Variants in SELPLG observed in about 807,000 individuals in gnomAD.
The protein encoded by SELPLG is P-selectin glycoprotein ligand 1.
Under a neutral mutation model 1.1 loss-of-function variants are expected in SELPLG, and 2 were observed. The ratio of observed to expected loss-of-function variants is 1.82; its 90% CI spans 0.74 to 5.71. SELPLG has a LOEUF of 5.71. Ranked by LOEUF, SELPLG falls within the 30% of genes most tolerant of loss-of-function variation. The pLI is 0.05. For missense variants in SELPLG, 478 were observed against 524.7 expected, an observed-to-expected ratio of 0.91 and a Z score of 0.87; for synonymous variants, 230 against 221.2, an observed-to-expected ratio of 1.04 and a Z score of -0.35.
At position 108,623,496 on chromosome 12, in the gene SELPLG, G is replaced by A. The variant is rs1337286148; in HGVS notation, c.812C>T (p.Ala271Val). 4 of 1,614,138 alleles carry A rather than the reference G, an allele frequency of 2.5e-6. No homozygotes were observed. Among genetic ancestry groups the A allele is most frequent in the Non-Finnish European group, 3.4e-6 (4 of 1,180,058 alleles). The change falls in exon 2 of 2, where the codon GCC (alanine) becomes GTC (valine). Residue 271 changes from alanine (A) to valine (V), a missense_variant. Transcript: ENST00000550948. ...TTTGGTAGTAGGTTCCATGGACAGG[G>A]CCTCTGTGGCACTGGGTTCTGTGGA... ...ALSTEPSATE[A>V]LSMEPTTKRG... is the part of the protein sequence containing the mutation.
At chr12:108,633,109 G>A (rs754532621) in intron 1 of SELPLG, among the ~76,000 whole-genome samples, 3 of 152,160 alleles carry the variant, frequency 2.0e-5, no homozygotes, top group Non-Finnish European at 4.4e-5. Context: ...GGAAAGGAGA[G>A]GATAAGATCA....
intron 1 of SELPLG, 87 bp from the exon 2 acceptor site, chr12:108,624,399 A>G (rs2031895655): frequency 2.4e-6 from 3 of 1,251,290 alleles, no homozygotes; most frequent in Non-Finnish European, 3.3e-6. Flanking sequence ...CTCTACTGCC[A>G]CAGCTGGAAG....
At position 108,632,974 on chromosome 12, in the gene SELPLG, G is replaced by A. The variant is rs960673756; in HGVS notation, c.-6+766C>T. On this transcript the variant is annotated intron_variant, in intron 1 of 1. Coordinates refer to ENST00000550948, the MANE Select transcript of SELPLG (RefSeq NM_003006.4). ...TTCTCTGAAAAGAACTTTTTTATGC[G>A]TCCATAACATGCAGCTTCAAGAGAA... is the stretch of plus-strand genomic sequence containing the variant. Among the ~76,000 whole-genome samples the A allele has an allele frequency of 4.6e-5, 7 of 151,970 alleles. No individual in the cohort carries two copies. The South Asian group carries it at 8.3e-4, about 18-fold the overall frequency.
At chr12:108,626,782 T>G (rs567582896) in intron 1 of SELPLG, among the ~76,000 whole-genome samples, 13 of 152,300 alleles carry the variant, frequency 8.5e-5, no homozygotes, top group Admixed American at 8.5e-4. Flanking sequence ...ATTATAGGCA[T>G]GAGCCACCAC....
At chr12:108,632,185 G>A (rs545454326) in intron 1 of SELPLG, 45 of 477,476 alleles carry the variant, frequency 9.4e-5, no homozygotes, top group African/African-American at 7.1e-4. Context: ...CCTGCTGAGG[G>A]AGGCATCAAC....
At position 108,622,833 on chromosome 12, in the gene SELPLG, T is replaced by C; in HGVS notation, c.*236A>G. On this transcript the variant is annotated 3_prime_UTR_variant, in exon 2 of 2. Transcript: ENST00000550948. ...ATGGCCTCCTGCCTTGGACCTCGGC[T>C]GAAATGTGGCTGGGCTTCATCCGCG... The C allele has an allele frequency of 2.1e-6, 1 of 476,918 alleles. No homozygotes were observed. Among genetic ancestry groups the C allele is most frequent in the South Asian group, 4.9e-5 (1 of 20,526 alleles). 29.5% of individuals were successfully genotyped at this position (476,918 alleles called of 1,614,324 possible).
At chr12:108,627,455 G>A (rs1047427413) in intron 1 of SELPLG, among the ~76,000 whole-genome samples, 3 of 152,170 alleles carry the variant, frequency 2.0e-5, no homozygotes, top group African/African-American at 7.2e-5. Context: ...AGGGCATAGG[G>A]TTGAAAGCAT....
chr12:108,633,417 C>T (rs2032096026), intron 1 of SELPLG, among the ~76,000 whole-genome samples: 1 of 152,166 alleles, frequency 6.6e-6, no homozygotes, highest in Non-Finnish European at 1.5e-5. Flanking sequence ...GGGAGGATCA[C>T]TTGTGCCCAG....
rs2032068697 is a variant in SELPLG, at chr12:108,632,113, CCCAGCCTA to C, written c.-6+1619_-6+1626del. ...GCTCCTCTGAATGCCCCACTCTGGGCCCAGCCTAGCAACCCAGCCCTTCCGCTCTCTGA... is the reference window on the plus strand; with the variant it reads ...GCTCCTCTGAATGCCCCACTCTGGGCGCAACCCAGCCCTTCCGCTCTCTGA... On this transcript the variant is annotated intron_variant, in intron 1 of 1. Coordinates refer to ENST00000550948, the MANE Select transcript of SELPLG (RefSeq NM_003006.4). The C allele has an allele frequency of 9.9e-6, 6 of 607,364 alleles. No individual in the cohort carries two copies. The South Asian group carries it at 1.2e-4, about 12-fold the overall frequency. 37.6% of individuals were successfully genotyped at this position (607,364 alleles called of 1,614,324 possible).
At chr12:108,630,015 C>A (rs915008196) in intron 1 of SELPLG, among the ~76,000 whole-genome samples, 2 of 152,232 alleles carry the variant, frequency 1.3e-5, no homozygotes, top group East Asian at 3.8e-4. Flanking sequence ...AAGCAAGGCC[C>A]GGAGCGGCGG....
chr12:108,630,243 C>T (rs1981758), intron 1 of SELPLG, among the ~76,000 whole-genome samples: 60,587 of 152,126 alleles, frequency 0.4, 13,017 homozygotes, highest in African/African-American at 0.56. Context: ...ATCTAGACCC[C>T]ATATGGGCCC....
chr12:108,626,535 C>T (rs2031940083), intron 1 of SELPLG, among the ~76,000 whole-genome samples: 1 of 151,826 alleles, frequency 6.6e-6, no homozygotes, highest in South Asian at 2.1e-4. Context: ...CTCACTTTGT[C>T]GCCCAGTCTG....
At chr12:108,632,389 GGTGTGTGTGT>G (rs34863745) in intron 1 of SELPLG, among the ~76,000 whole-genome samples, 105 of 144,716 alleles carry the variant, frequency 7.3e-4, no homozygotes, top group Admixed American at 1.9e-3. Flanking sequence ...GACAATATGG[GGTGTGTGTGT>G]GTGTGTGTGT....
chr12:108,625,581 A>G (rs2031922642), intron 1 of SELPLG, among the ~76,000 whole-genome samples: 1 of 152,226 alleles, frequency 6.6e-6, no homozygotes, highest in East Asian at 1.9e-4. Context: ...TCTTCAGAAC[A>G]GCCCTGCTCT....
Position 108,621,957 on chromosome 12 carries a change from G to C in SELPLG, c.*1112C>G, listed in dbSNP as rs903064517. 1.3e-5 allele frequency among the ~76,000 whole-genome samples: 2 copies of C among 152,152 alleles called. No individual in the cohort carries two copies. Among genetic ancestry groups the C allele is most frequent in the Admixed American group, 6.5e-5 (1 of 15,276 alleles). On this transcript the variant is annotated 3_prime_UTR_variant, in exon 2 of 2. Coordinates refer to ENST00000550948, the MANE Select transcript of SELPLG (RefSeq NM_003006.4). ...TAGAGGGATATTGGTCCGAGGTTTG[G>C]GGGGGACCAAACTCTGTGGGCCAAA...
chr12:108,623,396 G>A lies in SELPLG; in HGVS notation c.912C>T (p.Ser304=), dbSNP rs140747810. 164 of 1,614,246 alleles carry A rather than the reference G, an allele frequency of 1.0e-4. No homozygotes were observed. Among genetic ancestry groups the A allele is most frequent in the South Asian group, 7.6e-4 (69 of 91,086 alleles). The change falls in exon 2 of 2, where the codon TCC becomes TCT. Residue 304 remains serine (S), a synonymous_variant. Coordinates refer to ENST00000550948, the MANE Select transcript of SELPLG (RefSeq NM_003006.4). ...CTGGGGCCCCCACTGGGTAGTTGAC[G>A]GACAAATTGCTGGCTGCCATGGGAA... is the stretch of plus-strand genomic sequence containing the variant. ...KGIPMAASNL[S]VNYPVGAPDH...
chr12:108,625,960 G>A (rs1292465127), intron 1 of SELPLG, among the ~76,000 whole-genome samples: 4 of 151,974 alleles, frequency 2.6e-5, no homozygotes, highest in South Asian at 2.1e-4. Flanking sequence ...AATAGCACCC[G>A]GACAATTTCC....
chr12:108,626,234 A>G (rs1304905340), intron 1 of SELPLG, among the ~76,000 whole-genome samples: 1 of 149,824 alleles, frequency 6.7e-6, no homozygotes, highest in Non-Finnish European at 1.5e-5. Flanking sequence ...TCCCGGGTTC[A>G]AGCAATTCTC....
chr12:108,624,686 C>CTTTTTT (rs34381191), intron 1 of SELPLG, among the ~76,000 whole-genome samples: 2 of 143,002 alleles, frequency 1.4e-5, no homozygotes, highest in African/African-American at 2.7e-5. Flanking sequence ...CATGTCACTC[C>CTTTTTT]TTTTTTCTTT....
Sources: gnomAD v4.1 joint callset for allele counts (sites outside exome capture counted in the v4.1 genomes callset) on GRCh38, gnomAD v4.1.1 for gene constraint, MANE v1.5 for transcripts, NCBI Gene and HGNC (gene_info 2026-07-23, HGNC 2026-07-21) for gene names.